The following NUP98 variants were observed in gnomAD, a reference collection of about 807,000 sequenced individuals.
NUP98 encodes nucleoporin 98 and 96 precursor.
Under a neutral mutation model 191.9 loss-of-function variants are expected in NUP98, and 26 were observed. That is an observed-to-expected ratio of 0.14 (90% CI 0.10 to 0.19). The LOEUF is 0.19. Ranked by LOEUF, NUP98 falls within the 10% of genes least tolerant of loss-of-function variation. The pLI is 1.00. For synonymous variants in NUP98, 808 were observed against 778.4 expected, an observed-to-expected ratio of 1.04 and a Z score of -0.63; for missense variants, 1,941 against 2,178.8, an observed-to-expected ratio of 0.89 and a Z score of 2.17.
chr11:3,735,535 C>T (rs987144641), intron 12 of NUP98, among the ~76,000 whole-genome samples: 1 of 151,944 alleles, frequency 6.6e-6, no homozygotes, highest in African/African-American at 2.4e-5. Context: ...TAGGAAGAGA[C>T]ATTTCATAAG....
Position 3,719,513 on chromosome 11 carries a change from C to T in NUP98, c.2298G>A (p.Leu766=), listed in dbSNP as rs376900132. The T allele has an allele frequency of 9.4e-6, 15 of 1,590,932 alleles. No individual in the cohort carries two copies. Among genetic ancestry groups the T allele is most frequent in the African/African-American group, 1.4e-5 (1 of 73,528 alleles). Residue 766 remains leucine, a synonymous_variant, in exon 18 of 33, where the codon TTG becomes TTA. Coordinates refer to ENST00000324932, the MANE Select transcript of NUP98 (RefSeq NM_016320.5). The part of the protein sequence containing the change: ...GSIYFEGDVN[L]TNLNLDDIVH... ...CAATATCATCCAAATTTAGATTTGT[C>T]AAATTCACATCTCCTTCAAAATAGA...
Position 3,797,548 on chromosome 11 carries a change from C to G in NUP98, c.-177G>C. The G allele has an allele frequency of 2.1e-6, 1 of 482,904 alleles. No homozygotes were observed. Among genetic ancestry groups the G allele is most frequent in the Non-Finnish European group, 3.6e-6 (1 of 275,854 alleles). 29.9% of individuals were successfully genotyped at this position (482,904 alleles called of 1,614,324 possible). On this transcript the variant is annotated 5_prime_UTR_variant, in exon 1 of 33. Coordinates refer to ENST00000324932, the MANE Select transcript of NUP98 (RefSeq NM_016320.5). ...CTTCGGGCGCAGCGCGCAGAGGGCC[C>G]GACTGCGTCACACGCCGCCCGGCGT...
chr11:3,696,250 C>G (rs1233074981), intron 25 of NUP98, among the ~76,000 whole-genome samples: 1 of 152,006 alleles, frequency 6.6e-6, no homozygotes, highest in Admixed American at 6.6e-5. Context: ...ACCTGTAATC[C>G]CAGTGCTCTG....
chr11:3,724,997 T>C, intron 15 of NUP98, 106 bp downstream of exon 15: 1 of 596,754 alleles, frequency 1.7e-6, no homozygotes, highest in East Asian at 2.6e-5. Flanking sequence ...AATACTTCTA[T>C]GTAATATTCA....
At chr11:3,738,051 G>T (rs1220617361) in intron 12 of NUP98, among the ~76,000 whole-genome samples, 3 of 121,078 alleles carry the variant, frequency 2.5e-5, no homozygotes, top group Non-Finnish European at 3.3e-5. Context: ...TGATCCCATC[G>T]TTTAACAAGT....
intron 2 of NUP98, among the ~76,000 whole-genome samples, chr11:3,781,841 A>C (rs3758660): frequency 2.0e-5 from 3 of 151,980 alleles, no homozygotes; most frequent in African/African-American, 4.8e-5. Flanking sequence ...GACAATCAGA[A>C]GAAGGCCATG....
chr11:3,702,738 T>C lies in NUP98; in HGVS notation c.3237A>G (p.Thr1079=). 6.2e-7 allele frequency: 1 copy of C among 1,614,142 alleles called. No homozygotes were observed. ...SVPPPLTSVF[T]MPSPAPEVPL... ...GAACCTCAGGGGCTGGGCTGGGCAT[T>C]GTGAACACAGAAGTCAGGGGTGGAG... The change falls in exon 23 of 33, where the codon ACA becomes ACG. Residue 1079 remains threonine, a synonymous_variant. Transcript: ENST00000324932.
At chr11:3,706,681 T>TA (rs2078871921) in intron 20 of NUP98, 54 bp from the exon 21 acceptor site, 2 of 1,468,254 alleles carry the variant, frequency 1.4e-6, no homozygotes, top group Admixed American at 3.6e-5. Flanking sequence ...CAAACAGAAA[T>TA]AGATTCTAAA....
chr11:3,684,622 T>TA (rs1456027954), intron 29 of NUP98, among the ~76,000 whole-genome samples: 1 of 152,076 alleles, frequency 6.6e-6, no homozygotes, highest in African/African-American at 2.4e-5. Context: ...CATTCCCTGT[T>TA]AAAGGGGAAG....
chr11:3,701,797 T>C (rs935333200), intron 23 of NUP98, among the ~76,000 whole-genome samples: 2 of 151,554 alleles, frequency 1.3e-5, no homozygotes, highest in Admixed American at 6.6e-5. Flanking sequence ...ACCATTCTCC[T>C]GCCTCAGCCT....
rs1589944576 is a variant in NUP98, at chr11:3,679,374, T to C, written c.5073+180A>G. 2.1e-5 allele frequency: 16 copies of C among 760,980 alleles called. No individual in the cohort carries two copies. The East Asian group carries it at 4.0e-4, about 19-fold the overall frequency. The allele number at this position is 760,980 out of a possible 1,614,324, so 47.1% of individuals were successfully genotyped here. On this transcript the variant is annotated intron_variant, in intron 31 of 32. Coordinates refer to ENST00000324932, the MANE Select transcript of NUP98 (RefSeq NM_016320.5). ...GGTAATCAACATAAAATAGCATTTTTAAGTTTCGATATAGCTGTCAGAAAC... is the reference window on the plus strand; with the variant it reads ...GGTAATCAACATAAAATAGCATTTTCAAGTTTCGATATAGCTGTCAGAAAC...
rs1329379304 is a variant in NUP98, at chr11:3,723,215, C to T, written c.2088G>A (p.Glu696=). 1.9e-6 allele frequency: 3 copies of T among 1,614,012 alleles called. No homozygotes were observed. The highest frequency in any genetic ancestry group is 1.7e-6 in the Non-Finnish European group (2 of 1,180,026). ...GSSEETSFHD[E]SLQDDREEIE... ...TTTCTTCTCGGTCATCCTGAAGTGACTCATCATGAAAAGACGTTTCTTCAC... is the reference window on the plus strand; with the variant it reads ...TTTCTTCTCGGTCATCCTGAAGTGATTCATCATGAAAAGACGTTTCTTCAC... The change falls in exon 16 of 33, where the codon GAG becomes GAA. Residue 696 remains glutamate, a synonymous_variant. Transcript: ENST00000324932.
At position 3,702,604 on chromosome 11, in the gene NUP98, C is replaced by T. The variant is rs749717556; in HGVS notation, c.3371G>A (p.Arg1124His). The change falls in exon 23 of 33, where the codon CGC becomes CAC. Residue 1124 changes from arginine to histidine, a missense_variant. Around this residue, in one of 6 missense-constraint regions of NUP98, gnomAD observed 1,030 missense variants for 1,115.8 expected, o/e 0.92. Transcript: ENST00000324932. The part of the protein sequence containing the change: ...LLMDMALFMG[R>H]SFRVGWGPNW... Reference sequence around the variant, plus strand: ...GGGGCCCCAACCAACACGAAATGAGCGTCCCATGAATAGGGCCATGTCCAT... The same window carrying T: ...GGGGCCCCAACCAACACGAAATGAGTGTCCCATGAATAGGGCCATGTCCAT... 7 of 1,613,990 alleles carry T rather than the reference C, an allele frequency of 4.3e-6. No individual in the cohort carries two copies. Among genetic ancestry groups the T allele is most frequent in the Admixed American group, 1.7e-5 (1 of 60,000 alleles).
At chr11:3,746,592 T>G (rs527716030) in intron 11 of NUP98, among the ~76,000 whole-genome samples, 22 of 151,890 alleles carry the variant, frequency 1.4e-4, no homozygotes, top group Admixed American at 3.9e-4. Context: ...CTGTACTGTA[T>G]TTCAGTAATC....
rs1158489396 is a variant in NUP98 at position 3,679,604 on chromosome 11, C to T, written c.5023G>A (p.Val1675Ile). 3.1e-6 allele frequency: 5 copies of T among 1,614,054 alleles called. No individual in the cohort carries two copies. Among genetic ancestry groups the T allele is most frequent in the Non-Finnish European group, 4.2e-6 (5 of 1,180,038 alleles). ...ATGACTCTAATATAGTCCAGGTAAA[C>T]AAGCCCAGATGTTTCCCAATCCTGA... ...LIQDWETSGL[V>I]YLDYIRVIEM... Residue 1675 changes from valine to isoleucine, a missense_variant, in exon 31 of 33, where the codon GTT becomes ATT. Transcript: ENST00000324932.
intron 25 of NUP98, among the ~76,000 whole-genome samples, chr11:3,698,239 C>G (rs1337234043): frequency 6.6e-6 from 1 of 152,110 alleles, no homozygotes; most frequent in African/African-American, 2.4e-5. Flanking sequence ...AGTGTCTGGA[C>G]ATATTTGTAT....
intron 2 of NUP98, among the ~76,000 whole-genome samples, chr11:3,781,047 G>T (rs1017241039): frequency 3.9e-5 from 6 of 151,944 alleles, no homozygotes; most frequent in Non-Finnish European, 5.9e-5. Context: ...TGAGCCAGGC[G>T]TGGTGGTGTG....
intron 20 of NUP98, among the ~76,000 whole-genome samples, chr11:3,710,099 T>C (rs2078989720): frequency 6.6e-6 from 1 of 151,466 alleles, no homozygotes; most frequent in African/African-American, 2.4e-5. Flanking sequence ...TGATTGCACA[T>C]TTCAACCACC....
At chr11:3,737,679 A>C (rs775914862) in intron 12 of NUP98, among the ~76,000 whole-genome samples, 13 of 152,108 alleles carry the variant, frequency 8.5e-5, no homozygotes, top group Non-Finnish European at 1.6e-4. Context: ...TAAATTAATG[A>C]AAAAGAAGAG....
Sources: gnomAD v4.1 joint callset for allele counts (sites outside exome capture counted in the v4.1 genomes callset) on GRCh38, gnomAD v4.1.1 for gene constraint, gnomAD v4.1.1 regional missense constraint, MANE v1.5 for transcripts, NCBI Gene and HGNC (gene_info 2026-07-23, HGNC 2026-07-21) for gene names.